The following JAZF1 variants were observed in gnomAD, a reference collection of about 807,000 sequenced individuals.
JAZF1 encodes JAZF zinc finger 1, also known as juxtaposed with another zinc finger protein 1.
A neutral mutation model predicts 26.4 loss-of-function variants in JAZF1; 8 were observed. The ratio of observed to expected loss-of-function variants is 0.30; its 90% CI spans 0.18 to 0.55. The LOEUF (loss-of-function observed/expected upper bound fraction) is 0.55, where lower values mean the gene tolerates loss of function less well. JAZF1 is among the 20% of genes least tolerant of loss of function. The pLI is 0.94. For synonymous variants in JAZF1, 126 were observed against 122.3 expected, an observed-to-expected ratio of 1.03 and a Z score of -0.20; for missense variants, 199 against 322.0, an observed-to-expected ratio of 0.62 and a Z score of 2.92.
chr7:27,920,259 A>G (rs953705422), intron 2 of JAZF1, among the ~76,000 whole-genome samples: 8 of 152,234 alleles, frequency 5.3e-5, no homozygotes, highest in Admixed American at 2.0e-4. Context: ...AATTGTTAAC[A>G]TAAATAACTG....
chr7:27,849,782 C>CACACACA (rs1554329094), intron 3 of JAZF1, among the ~76,000 whole-genome samples: 3 of 151,142 alleles, frequency 2.0e-5, no homozygotes, highest in Admixed American at 6.6e-5. Context: ...CACCCCTACA[C>CACACACA]CTCTTCCCGG....
At chr7:28,022,323 G>GA (rs953824274) in intron 1 of JAZF1, among the ~76,000 whole-genome samples, 3 of 152,118 alleles carry the variant, frequency 2.0e-5, no homozygotes, top group Non-Finnish European at 4.4e-5. Flanking sequence ...TGCTTTTCCA[G>GA]AAAAAATCTT....
chr7:28,018,841 A>C (rs1166981715), intron 1 of JAZF1, among the ~76,000 whole-genome samples: 1 of 152,224 alleles, frequency 6.6e-6, no homozygotes, highest in East Asian at 1.9e-4. Context: ...CACATTTTAC[A>C]GCTGCTGCGA....
chr7:27,883,029 A>G (rs1381622138), intron 3 of JAZF1, among the ~76,000 whole-genome samples: 1 of 152,160 alleles, frequency 6.6e-6, no homozygotes, highest in African/African-American at 2.4e-5. Context: ...TTTAGCACTC[A>G]TATTTCAGTT....
rs2128372533 is a variant in JAZF1, at chr7:28,019,777, T to G, written c.116-27796A>C. Reference sequence around the variant, plus strand: ...GGATTCTTAAGACTCCTCCTTGCTTTATGATAGAGACAAGAGTAACACTCC... The same window carrying G: ...GGATTCTTAAGACTCCTCCTTGCTTGATGATAGAGACAAGAGTAACACTCC... On this transcript the variant is annotated intron_variant, in intron 1 of 4. Coordinates refer to ENST00000283928, the MANE Select transcript of JAZF1 (RefSeq NM_175061.4). Among the ~76,000 whole-genome samples, 4 of 152,264 alleles carry G rather than the reference T, an allele frequency of 2.6e-5. No homozygotes were observed. In the South Asian group the frequency reaches 8.3e-4, roughly 32 times the overall value.
intron 3 of JAZF1, among the ~76,000 whole-genome samples, chr7:27,855,944 C>T (rs1323030133): frequency 1.3e-5 from 2 of 152,208 alleles, no homozygotes; most frequent in East Asian, 1.9e-4. Flanking sequence ...CCCTGTTGAA[C>T]ATCGATGCCA....
At chr7:28,141,785 A>G (rs1404436699) in intron 1 of JAZF1, among the ~76,000 whole-genome samples, 1 of 152,226 alleles carries the variant, frequency 6.6e-6, no homozygotes, top group Admixed American at 6.5e-5. Flanking sequence ...ACAGATGACA[A>G]TAAGAAATAA....
chr7:28,122,512 AG>A (rs1248303522), intron 1 of JAZF1, among the ~76,000 whole-genome samples: 1 of 152,144 alleles, frequency 6.6e-6, no homozygotes, highest in Non-Finnish European at 1.5e-5. Flanking sequence ...TCAAGCAACT[AG>A]GGTGAGGCTG....
chr7:27,938,368 C>T (rs1325091187), intron 2 of JAZF1, among the ~76,000 whole-genome samples: 1 of 152,258 alleles, frequency 6.6e-6, no homozygotes, highest in Non-Finnish European at 1.5e-5. Context: ...AACACCAAAG[C>T]ATCTGTGTCT....
At chr7:28,041,908 TAGG>T (rs1302861416) in intron 1 of JAZF1, among the ~76,000 whole-genome samples, 8 of 152,218 alleles carry the variant, frequency 5.3e-5, no homozygotes, top group Non-Finnish European at 1.2e-4. Flanking sequence ...TCTACTCCTG[TAGG>T]AGGAGATCAA....
intron 2 of JAZF1, among the ~76,000 whole-genome samples, chr7:27,911,040 C>T (rs540217206): frequency 6.6e-6 from 1 of 152,292 alleles, no homozygotes; most frequent in African/African-American, 2.4e-5. Flanking sequence ...CAGACCCTGC[C>T]GAGCACTCTT....
intron 3 of JAZF1, among the ~76,000 whole-genome samples, chr7:27,852,713 A>G (rs1783173791): frequency 6.6e-6 from 1 of 152,238 alleles, no homozygotes; most frequent in Non-Finnish European, 1.5e-5. Flanking sequence ...ATAAACAGCA[A>G]TCTACTTTAC....
chr7:27,890,784 C>CTTTTTT (rs70977008), intron 3 of JAZF1, among the ~76,000 whole-genome samples: 5 of 92,002 alleles, frequency 5.4e-5, no homozygotes, highest in Non-Finnish European at 8.4e-5. Context: ...GATGTTACTA[C>CTTTTTT]TTTTTTTTTT....
At chr7:28,161,894 T>C (rs946937139) in intron 1 of JAZF1, among the ~76,000 whole-genome samples, 1 of 152,210 alleles carries the variant, frequency 6.6e-6, no homozygotes, top group African/African-American at 2.4e-5. Flanking sequence ...TAAGGCTCAG[T>C]GTCTTCGCCT....
In JAZF1 at chr7:27,833,134, G is replaced by A; in HGVS notation, c.556-158C>T. 7.9e-6 allele frequency: 4 copies of A among 506,856 alleles called. No individual in the cohort carries two copies. The South Asian group carries it at 1.3e-4, about 17-fold the overall frequency. The allele number at this position is 506,856 out of a possible 1,614,324, so 31.4% of individuals were successfully genotyped here. On this transcript the variant is annotated intron_variant, in intron 4 of 4. Coordinates refer to ENST00000283928, the MANE Select transcript of JAZF1 (RefSeq NM_175061.4). ...AGTTGGGACCCTTCAAGGACATTCT[G>A]GTGTGTCGGTCATGGGCTGTACGGA...
intron 3 of JAZF1, among the ~76,000 whole-genome samples, chr7:27,854,066 C>G (rs1251566908): frequency 6.6e-6 from 1 of 152,082 alleles, no homozygotes; most frequent in South Asian, 2.1e-4. Context: ...GTTTTGGGTG[C>G]GTATATATTT....
At chr7:27,847,326 TG>T (rs933115189) in intron 3 of JAZF1, among the ~76,000 whole-genome samples, 5 of 152,030 alleles carry the variant, frequency 3.3e-5, no homozygotes, top group African/African-American at 1.2e-4. Flanking sequence ...TTTTGTAGAC[TG>T]AACTTCAGGT....
chr7:28,019,939 T>G (rs923613928), intron 1 of JAZF1, among the ~76,000 whole-genome samples: 2 of 152,208 alleles, frequency 1.3e-5, no homozygotes, highest in African/African-American at 4.8e-5. Flanking sequence ...ATAATTCATC[T>G]TTCTTCATCA....
In JAZF1 at chr7:27,832,757, C is replaced by T. The variant is rs372557397; in HGVS notation, c.*43G>A. The T allele has an allele frequency of 7.1e-7, 1 of 1,402,082 alleles. No homozygotes were observed. Among genetic ancestry groups the T allele is most frequent in the Non-Finnish European group, 9.4e-7 (1 of 1,064,196 alleles). The allele number at this position is 1,402,082 out of a possible 1,614,324, so 86.9% of individuals were successfully genotyped here. A position where few individuals can be genotyped will look rare whatever the true frequency, so the allele number is the denominator to read the frequency against. On this transcript the variant is annotated 3_prime_UTR_variant, in exon 5 of 5. Transcript: ENST00000283928. ...AAAAGGTGGCTGTTTTCAAAATCAG[C>T]AACTGCTGGTGAGGATTTCTTGGCA...
Sources: gnomAD v4.1 joint callset for allele counts (sites outside exome capture counted in the v4.1 genomes callset) on GRCh38, gnomAD v4.1.1 for gene constraint, MANE v1.5 for transcripts, NCBI Gene and HGNC (gene_info 2026-07-23, HGNC 2026-07-21) for gene names.